The following NUP160 variants were observed in gnomAD, a reference collection of about 807,000 sequenced individuals.
NUP160 encodes nuclear pore complex protein Nup160.
A neutral mutation model predicts 196.9 loss-of-function variants in NUP160; 94 were observed. The ratio of observed to expected loss-of-function variants is 0.48; its 90% CI spans 0.40 to 0.57. The LOEUF (loss-of-function observed/expected upper bound fraction) is 0.57. Among genes scored for constraint, NUP160 ranks in the 20% least tolerant of loss-of-function variants. The probability of loss-of-function intolerance (pLI) is 0.00; values close to 1 mark genes in which losing one functional copy is unlikely to be tolerated. For missense variants in NUP160, 1,638 were observed against 1,748.3 expected (o/e 0.94, Z 1.13); for synonymous variants, 605 against 619.7 (o/e 0.98, Z 0.35).
chr11:47,843,133 T>C (rs1852337991), intron 2 of NUP160, among the ~76,000 whole-genome samples: 1 of 152,198 alleles, frequency 6.6e-6, no homozygotes, highest in Non-Finnish European at 1.5e-5. Flanking sequence ...TATATTATTA[T>C]ATTTTCTCTG....
chr11:47,787,715 G>T (rs1392448271), intron 31 of NUP160, among the ~76,000 whole-genome samples: 1 of 149,810 alleles, frequency 6.7e-6, no homozygotes, highest in Non-Finnish European at 1.5e-5. Context: ...GCCTGGCCAA[G>T]AAATTCTTCT....
At chr11:47,806,788 TATACACACACACACACAC>T (rs1202127481) in intron 19 of NUP160, among the ~76,000 whole-genome samples, 118 of 106,496 alleles carry the variant, frequency 1.1e-3, no homozygotes, top group Middle Eastern at 9.3e-3. Context: ...GGAAAGCAGC[TATACACACACACACACAC>T]ACACACACAC....
chr11:47,805,447 CTTTT>C, intron 20 of NUP160, among the ~76,000 whole-genome samples: 1 of 133,316 alleles, frequency 7.5e-6, no homozygotes, highest in Non-Finnish European at 1.6e-5. Context: ...TGAATAATGT[CTTTT>C]TTTTTTTTTT....
chr11:47,795,247 T>G (rs963440700), intron 27 of NUP160, among the ~76,000 whole-genome samples: 1 of 152,218 alleles, frequency 6.6e-6, no homozygotes, highest in Non-Finnish European at 1.5e-5. Context: ...ATAAAGCTAT[T>G]TTTCATTTCA....
At position 47,808,446 on chromosome 11, in the gene NUP160, GA is replaced by G; in HGVS notation, c.2324del (p.Leu775ProfsTer30). 1 of 1,613,602 alleles carries G rather than the reference GA, an allele frequency of 6.2e-7. No individual in the cohort carries two copies. The highest frequency in any genetic ancestry group is 8.5e-7 in the Non-Finnish European group (1 of 1,179,560). On this transcript the variant is annotated frameshift_variant, in exon 18 of 36. Transcript: ENST00000378460. LOFTEE classifies it high-confidence loss of function. Reference sequence around the variant, plus strand: ...CCAAGCACTCACTTCCCCATTTAATGAGGTAATAAGATAAGAGTAGGGGAGC... The same window carrying G: ...CCAAGCACTCACTTCCCCATTTAATGGGTAATAAGATAAGAGTAGGGGAGC...
rs989565557 is a variant in NUP160 at position 47,837,629 on chromosome 11, A to T, written c.749-6T>A. The T allele has an allele frequency of 5.6e-6, 9 of 1,612,174 alleles. No homozygotes were observed. The highest frequency in any genetic ancestry group is 7.6e-6 in the Non-Finnish European group (9 of 1,178,320). ...TTCCACGACTGACACCATACCTGCA[A>T]TGATATCCAAGGCACCTCTTGAACA... On this transcript the variant is annotated splice_polypyrimidine_tract_variant and splice_region_variant and intron_variant, in intron 4 of 35. Coordinates refer to ENST00000378460, the Ensembl canonical transcript of NUP160.
intron 35 of NUP160, among the ~76,000 whole-genome samples, chr11:47,780,021 C>T (rs1257825897): frequency 1.3e-5 from 2 of 152,168 alleles, no homozygotes; most frequent in Non-Finnish European, 2.9e-5. Context: ...TGAGCCACTG[C>T]GCCCGGCCTA....
intron 1 of NUP160, 64 bp from the exon 2 acceptor site, chr11:47,848,023 C>G: frequency 7.2e-7 from 1 of 1,392,944 alleles, no homozygotes; most frequent in Non-Finnish European, 1.0e-6. Flanking sequence ...ACTAAGGGAG[C>G]TGACAAAGCA....
intron 11 of NUP160, among the ~76,000 whole-genome samples, chr11:47,817,587 C>T (rs937266976): frequency 6.6e-6 from 1 of 152,036 alleles, no homozygotes; most frequent in Non-Finnish European, 1.5e-5. Context: ...CCCCGTGATC[C>T]ATCTGCCTCA....
At chr11:47,788,840 CA>C (rs2097666260) in intron 29 of NUP160, among the ~76,000 whole-genome samples, 1 of 151,304 alleles carries the variant, frequency 6.6e-6, no homozygotes, top group Non-Finnish European at 1.5e-5. Context: ...GAGGTGCTTA[CA>C]AGGTACTACA....
chr11:47,843,432 T>C (rs950076472), intron 2 of NUP160, among the ~76,000 whole-genome samples: 2 of 152,186 alleles, frequency 1.3e-5, no homozygotes, highest in Admixed American at 1.3e-4. Flanking sequence ...GGATGCCACG[T>C]TCTTTGTTCA....
intron 32 of NUP160, among the ~76,000 whole-genome samples, chr11:47,785,779 A>G (rs1376054064): frequency 2.0e-5 from 3 of 152,210 alleles, no homozygotes; most frequent in Non-Finnish European, 4.4e-5. Context: ...CTGTATTTTA[A>G]TAAGTTATTC....
chr11:47,825,803 C>T (rs557802938), intron 7 of NUP160, among the ~76,000 whole-genome samples: 10 of 152,174 alleles, frequency 6.6e-5, no homozygotes, highest in East Asian at 1.9e-4. Flanking sequence ...AGGCTGGTCT[C>T]GAACTCCTGA....
rs955989619 is a variant in NUP160 at position 47,816,589 on chromosome 11, AT to A, written c.1432-561del. 6.0e-4 allele frequency among the ~76,000 whole-genome samples: 91 copies of A among 152,276 alleles called. 1 individual carries two copies. Among genetic ancestry groups the A allele is most frequent in the African/African-American group, 2.0e-3 (85 of 41,558 alleles). On this transcript the variant is annotated intron_variant, in intron 11 of 35. Coordinates refer to ENST00000378460, the Ensembl canonical transcript of NUP160. ...CAGGAGTTCGAGACAAGCTTGGCCA[AT>A]ATGGCAAAACCTTGTCTCTACTAAA...
At chr11:47,787,039 A>G (rs2097664903) in intron 31 of NUP160, 1 of 148,968 alleles carries the variant, frequency 6.7e-6, no homozygotes, top group Admixed American at 6.8e-5. Flanking sequence ...CCGCCCGCCT[A>G]GGTCTCCCAA....
chr11:47,779,839 T>C (rs1032926360), intron 35 of NUP160, among the ~76,000 whole-genome samples: 1 of 152,172 alleles, frequency 6.6e-6, no homozygotes, highest in Non-Finnish European at 1.5e-5. Context: ...GCGATTCTCC[T>C]GCCTCAGCCT....
intron 1 of NUP160, 68 bp downstream of exon 1, chr11:47,848,151 A>G: frequency 6.5e-7 from 1 of 1,547,100 alleles, no homozygotes; most frequent in South Asian, 1.1e-5. Flanking sequence ...GGCGTCAGGG[A>G]CCCTGGGACC....
chr11:47,803,057 C>T (rs1232743233), intron 22 of NUP160, among the ~76,000 whole-genome samples: 2 of 151,424 alleles, frequency 1.3e-5, no homozygotes, highest in Non-Finnish European at 2.9e-5. Flanking sequence ...GTGGCTTATG[C>T]CTGTAATCCC....
chr11:47,825,575 C>A (rs779185991), intron 7 of NUP160, among the ~76,000 whole-genome samples: 1 of 151,818 alleles, frequency 6.6e-6, no homozygotes, highest in Non-Finnish European at 1.5e-5. Flanking sequence ...GCCTCAGCCT[C>A]GCGAGTAGTT....
Sources: gnomAD v4.1 joint callset for allele counts (sites outside exome capture counted in the v4.1 genomes callset) on GRCh38, gnomAD v4.1.1 for gene constraint, MANE v1.5 for transcripts, NCBI Gene and HGNC (gene_info 2026-07-23, HGNC 2026-07-21) for gene names.